Variants in ZPBP observed in about 807,000 individuals in gnomAD.
ZPBP encodes zona pellucida-binding protein 1.
ZPBP carries 26 observed loss-of-function variants against 44.8 expected under a neutral mutation model. The ratio of observed to expected loss-of-function variants is 0.58; its 90% confidence interval spans 0.43 to 0.81. The LOEUF (loss-of-function observed/expected upper bound fraction) is 0.81, where lower values mean the gene tolerates loss of function less well. Ranked by LOEUF, ZPBP falls within the 30% of genes least tolerant of loss-of-function variation. ZPBP has a pLI of 0.00. For missense variants in ZPBP, 409 were observed against 434.0 expected, an observed-to-expected ratio of 0.94 and a Z score of 0.51; for synonymous variants, 174 against 153.2, an observed-to-expected ratio of 1.14 and a Z score of -1.00.
At chr7:49,881,887 G>A (rs970021260) in intron 2 of ZPBP, among the ~76,000 whole-genome samples, 1 of 151,800 alleles carries the variant, frequency 6.6e-6, no homozygotes, top group African/African-American at 2.4e-5. Flanking sequence ...TAATAAAAGA[G>A]ACAAATATTA....
intron 6 of ZPBP, among the ~76,000 whole-genome samples, chr7:50,013,215 T>G (rs1196430035): frequency 1.3e-5 from 2 of 152,036 alleles, no homozygotes; most frequent in African/African-American, 2.4e-5. Context: ...GTTATTTAAA[T>G]TATTTTACAG....
chr7:49,888,729 G>A (rs1202483119), intron 2 of ZPBP, among the ~76,000 whole-genome samples: 1 of 152,014 alleles, frequency 6.6e-6, no homozygotes, highest in Non-Finnish European at 1.5e-5. Flanking sequence ...TGGCCAACAT[G>A]GTAAAACCCC....
chr7:50,043,736 C>A (rs1562866804), intron 4 of ZPBP, among the ~76,000 whole-genome samples: 1 of 152,170 alleles, frequency 6.6e-6, no homozygotes, highest in Non-Finnish European at 1.5e-5. Flanking sequence ...TAAGACCTCA[C>A]TGTCAATATT....
intron 2 of ZPBP, among the ~76,000 whole-genome samples, chr7:49,883,000 C>G (rs1791736774): frequency 6.6e-6 from 1 of 152,000 alleles, no homozygotes; most frequent in African/African-American, 2.4e-5. Context: ...CTGCCCTGGC[C>G]CCGCCTGCTT....
chr7:49,895,651 GTAAT>G (rs1792350269), intron 2 of ZPBP, among the ~76,000 whole-genome samples: 1 of 152,034 alleles, frequency 6.6e-6, no homozygotes, highest in South Asian at 2.1e-4. Flanking sequence ...TAACATATCA[GTAAT>G]TAATTATCAG....
At chr7:49,980,024 TTTATA>T (rs1350085869) in intron 7 of ZPBP, among the ~76,000 whole-genome samples, 3 of 14,064 alleles carry the variant, frequency 2.1e-4, no homozygotes, top group African/African-American at 6.3e-4. Flanking sequence ...ATAATATAAT[TTTATA>T]TTATATTATA....
chr7:50,021,549 A>G (rs1799091775), intron 5 of ZPBP, among the ~76,000 whole-genome samples: 1 of 152,080 alleles, frequency 6.6e-6, no homozygotes, highest in Admixed American at 6.6e-5. Context: ...GTGTACCACC[A>G]TATACATGAT....
intron 2 of ZPBP, among the ~76,000 whole-genome samples, chr7:49,893,035 A>G (rs1792211597): frequency 6.6e-6 from 1 of 152,178 alleles, no homozygotes; most frequent in African/African-American, 2.4e-5. Context: ...CTTTTGCTAT[A>G]TTGGAATATG....
intron 5 of ZPBP, among the ~76,000 whole-genome samples, chr7:50,028,783 G>C (rs1799454028): frequency 6.6e-6 from 1 of 152,034 alleles, no homozygotes; most frequent in Non-Finnish European, 1.5e-5. Flanking sequence ...TTTGTCAAGA[G>C]TTACAGGACT....
At chr7:49,848,366 A>G (rs1790040980), downstream of ZPBP, among the ~76,000 whole-genome samples, 1 of 152,318 alleles carries the variant, frequency 6.6e-6, no homozygotes, top group African/African-American at 2.4e-5. Context: ...CCCCACTGAC[A>G]AGAGGAAGCA....
At chr7:49,980,884 C>T (rs1006157738) in intron 7 of ZPBP, among the ~76,000 whole-genome samples, 1 of 152,052 alleles carries the variant, frequency 6.6e-6, no homozygotes, top group African/African-American at 2.4e-5. Flanking sequence ...TTGTTCTTTT[C>T]TCCTTTCTTT....
Position 50,058,150 on chromosome 7 carries a change from A to G in ZPBP, c.335-9T>C. The G allele has an allele frequency of 6.2e-7, 1 of 1,613,474 alleles. No homozygotes were observed. Reference sequence around the variant, plus strand: ...TGCAGTGCGGTTTTCTACTAAAGGAATAAGATACAGTTACGAGTTGCTTAA... The same window carrying G: ...TGCAGTGCGGTTTTCTACTAAAGGAGTAAGATACAGTTACGAGTTGCTTAA... On this transcript the variant is annotated splice_polypyrimidine_tract_variant and intron_variant, in intron 3 of 7. Coordinates refer to ENST00000046087, the MANE Select transcript of ZPBP (RefSeq NM_007009.3).
intron 7 of ZPBP, among the ~76,000 whole-genome samples, chr7:49,978,900 T>C: frequency 6.6e-6 from 1 of 151,914 alleles, no homozygotes; most frequent in East Asian, 1.9e-4. Context: ...TCCTATGGGG[T>C]CCTGAATGTT....
chr7:50,028,924 A>G (rs1427921706), intron 5 of ZPBP, among the ~76,000 whole-genome samples: 1 of 152,184 alleles, frequency 6.6e-6, no homozygotes, highest in Non-Finnish European at 1.5e-5. Flanking sequence ...ATCCAAAGCT[A>G]TGTCCAGATC....
chr7:50,023,765 G>C (rs1325506811), intron 5 of ZPBP, among the ~76,000 whole-genome samples: 1 of 151,998 alleles, frequency 6.6e-6, no homozygotes, highest in Non-Finnish European at 1.5e-5. Flanking sequence ...AATGGGACAA[G>C]ATGCAAGAAC....
intron 6 of ZPBP, among the ~76,000 whole-genome samples, chr7:49,993,447 T>C (rs766265454): frequency 1.3e-5 from 2 of 152,168 alleles, no homozygotes; most frequent in African/African-American, 2.4e-5. Context: ...ACACAATTGA[T>C]TGAAACATTC....
chr7:49,980,910 G>C (rs539147409), intron 7 of ZPBP, among the ~76,000 whole-genome samples: 1 of 151,692 alleles, frequency 6.6e-6, no homozygotes, highest in Non-Finnish European at 1.5e-5. Flanking sequence ...ATTTAAGTTA[G>C]ATTAAAAGCC....
chr7:49,947,227 G>A (rs913987545), intron 7 of ZPBP, among the ~76,000 whole-genome samples: 4 of 152,200 alleles, frequency 2.6e-5, no homozygotes, highest in Non-Finnish European at 5.9e-5. Flanking sequence ...ATGAGGTCAT[G>A]TTTTCCTGGA....
chr7:49,921,590 T>A (rs1288397419), intron 1 of ZPBP: 1 of 152,128 alleles, frequency 6.6e-6, no homozygotes, highest in Non-Finnish European at 1.5e-5. Flanking sequence ...GAGGATTAAA[T>A]GAGTGAATAT....
Sources: gnomAD v4.1 joint callset for allele counts (sites outside exome capture counted in the v4.1 genomes callset) on GRCh38, gnomAD v4.1.1 for gene constraint, MANE v1.5 for transcripts, NCBI Gene and HGNC (gene_info 2026-07-23, HGNC 2026-07-21) for gene names.